CLASP2: variants seen among roughly 807,000 people sequenced by gnomAD.
CLASP2 encodes the protein CLIP-associating protein 2.
In CLASP2, 47 loss-of-function variants were observed where a neutral mutation model predicts 194.4. The observed-to-expected ratio is 0.24, with a 90% CI of 0.19 to 0.31. The LOEUF is 0.31. Ranked by LOEUF, CLASP2 falls within the 10% of genes least tolerant of loss-of-function variation. The pLI, the probability that CLASP2 is intolerant of heterozygous loss-of-function variation, is 1.00. For synonymous variants in CLASP2, 619 were observed against 633.5 expected, an observed-to-expected ratio of 0.98 and a Z score of 0.34; for missense variants, 1,445 against 1,823.6, an observed-to-expected ratio of 0.79 and a Z score of 3.78.
intron 6 of CLASP2, among the ~76,000 whole-genome samples, chr3:33,668,666 G>A (rs185352162): frequency 1.3e-5 from 2 of 152,268 alleles, no homozygotes; most frequent in Admixed American, 1.3e-4. Context: ...TAAGGCCATA[G>A]GCGTCAAGAA....
chr3:33,579,761 T>C (rs965586336), intron 23 of CLASP2, among the ~76,000 whole-genome samples: 7 of 152,158 alleles, frequency 4.6e-5, no homozygotes, highest in African/African-American at 1.7e-4. Context: ...CCTTGTTTTA[T>C]AGATGAGGAA....
intron 1 of CLASP2, among the ~76,000 whole-genome samples, chr3:33,702,955 C>T (rs570295999): frequency 3.3e-5 from 5 of 152,176 alleles, no homozygotes; most frequent in Admixed American, 6.5e-5. Flanking sequence ...ATGCCCTTCA[C>T]CAAAAATTAA....
chr3:33,672,106 G>T (rs2087386192), intron 6 of CLASP2, among the ~76,000 whole-genome samples: 1 of 152,168 alleles, frequency 6.6e-6, no homozygotes, highest in Admixed American at 6.5e-5. Context: ...CTCCCAGCAG[G>T]CAGCTGGAGA....
At chr3:33,616,741 T>C (rs2076240314) in intron 12 of CLASP2, among the ~76,000 whole-genome samples, 1 of 146,232 alleles carries the variant, frequency 6.8e-6, no homozygotes. Flanking sequence ...TTCCTTTTTT[T>C]TTTTTTTTTT....
At chr3:33,596,548 C>T (rs1200226873) in intron 19 of CLASP2, 163 bp downstream of exon 19, 1 of 675,242 alleles carries the variant, frequency 1.5e-6, no homozygotes, top group South Asian at 2.0e-5. Context: ...TCCCTAACCC[C>T]AAATTCATTC....
At chr3:33,608,425 A>ACAC in intron 14 of CLASP2, 142 bp downstream of exon 14, 1 of 692,696 alleles carries the variant, frequency 1.4e-6, no homozygotes, top group East Asian at 2.8e-5. Flanking sequence ...GAGGAGCACA[A>ACAC]CACCACCACA....
chr3:33,656,671 T>A (rs1173249071), intron 7 of CLASP2, among the ~76,000 whole-genome samples: 1 of 152,180 alleles, frequency 6.6e-6, no homozygotes, highest in East Asian at 1.9e-4. Flanking sequence ...CACATGTAGT[T>A]TGTACAAAGG....
chr3:33,622,315 G>A (rs1248055766), intron 10 of CLASP2, 35 bp from the exon 11 acceptor site: 6 of 1,414,028 alleles, frequency 4.2e-6, no homozygotes, highest in Admixed American at 2.8e-5. Flanking sequence ...GACAAAAAAG[G>A]TGGAAGTGCA....
intron 2 of CLASP2, 25 bp downstream of exon 2, chr3:33,696,830 T>C (rs567553045): frequency 1.3e-5 from 18 of 1,420,886 alleles, no homozygotes; most frequent in Non-Finnish European, 1.6e-5. Flanking sequence ...TTATTTAGAA[T>C]TGTAAATAAA....
intron 23 of CLASP2, among the ~76,000 whole-genome samples, chr3:33,578,389 ATACAGAAATG>A (rs926647470): frequency 1.3e-5 from 2 of 152,228 alleles, no homozygotes; most frequent in African/African-American, 4.8e-5. Flanking sequence ...TTTCTTTTAC[ATACAGAAATG>A]AATAGCCAAA....
At chr3:33,659,095 C>A (rs996181163) in intron 7 of CLASP2, 1 of 1,499,898 alleles carries the variant, frequency 6.7e-7, no homozygotes, top group African/African-American at 1.4e-5. Context: ...TGCAGACACC[C>A]GGAGCACTGT....
chr3:33,668,536 G>T (rs1415575511), intron 6 of CLASP2, among the ~76,000 whole-genome samples: 2 of 152,150 alleles, frequency 1.3e-5, no homozygotes, highest in South Asian at 4.1e-4. Flanking sequence ...GGAAATAGTG[G>T]AACAATAGTC....
chr3:33,606,531 T>G, intron 16 of CLASP2, 60 bp downstream of exon 16: 3 of 1,376,804 alleles, frequency 2.2e-6, no homozygotes, highest in Non-Finnish European at 3.0e-6. Context: ...ATCCAACTTA[T>G]GAAACTTCAG....
At chr3:33,513,771 T>C (rs1475230066) in intron 36 of CLASP2, among the ~76,000 whole-genome samples, 1 of 152,226 alleles carries the variant, frequency 6.6e-6, no homozygotes, top group Non-Finnish European at 1.5e-5. Flanking sequence ...CATGTGCTTA[T>C]TGCCATTTGT....
At chr3:33,543,645 A>G in intron 31 of CLASP2, 106 bp from the exon 32 acceptor site, 3 of 666,490 alleles carry the variant, frequency 4.5e-6, no homozygotes, top group Non-Finnish European at 8.1e-6. Flanking sequence ...TTAAAGGGCC[A>G]TATTTACAGG....
chr3:33,638,527 C>T (rs765398030), intron 8 of CLASP2, among the ~76,000 whole-genome samples: 2 of 152,094 alleles, frequency 1.3e-5, no homozygotes, highest in Non-Finnish European at 2.9e-5. Flanking sequence ...AGGATGGTCT[C>T]GGTCTCCTGA....
chr3:33,697,711 C>A (rs905210740), intron 1 of CLASP2, among the ~76,000 whole-genome samples: 5 of 152,178 alleles, frequency 3.3e-5, no homozygotes, highest in Non-Finnish European at 1.5e-5. Flanking sequence ...ATATCCCTCT[C>A]ATTCTAACAA....
intron 12 of CLASP2, among the ~76,000 whole-genome samples, chr3:33,613,914 C>T (rs1390337847): frequency 2.0e-5 from 3 of 152,208 alleles, no homozygotes; most frequent in African/African-American, 7.2e-5. Context: ...ACCATTGCTA[C>T]ATCATACTCA....
At chr3:33,673,142 A>G (rs2087716050) in intron 6 of CLASP2, among the ~76,000 whole-genome samples, 1 of 152,262 alleles carries the variant, frequency 6.6e-6, no homozygotes, top group South Asian at 2.1e-4. Context: ...CATAATTGTC[A>G]GATTCACCAA....
Sources: gnomAD v4.1 joint callset for allele counts (sites outside exome capture counted in the v4.1 genomes callset) on GRCh38, gnomAD v4.1.1 for gene constraint, MANE v1.5 for transcripts, NCBI Gene and HGNC (gene_info 2026-07-23, HGNC 2026-07-21) for gene names.